Variants in RNMT observed in about 807,000 individuals in gnomAD.
The protein encoded by RNMT is mRNA cap guanine-N(7) methyltransferase.
RNMT carries 27 observed loss-of-function variants against 56.0 expected under a neutral mutation model. The observed-to-expected ratio is 0.48, with a 90% confidence interval of 0.36 to 0.67. The LOEUF is 0.67. RNMT is among the 30% of genes least tolerant of loss of function. The pLI is 0.00. For missense variants in RNMT, 519 were observed against 552.1 expected (o/e 0.94, Z 0.60); for synonymous variants, 184 against 176.2 (o/e 1.04, Z -0.35).
intron 9 of RNMT, among the ~76,000 whole-genome samples, chr18:13,748,829 C>T (rs2044392238): frequency 6.6e-6 from 1 of 152,108 alleles, no homozygotes; most frequent in Non-Finnish European, 1.5e-5. Context: ...CCTGTAACCC[C>T]AGCACTTTGG....
At position 13,735,663 on chromosome 18, in the gene RNMT, A is replaced by G. The variant is rs192532022; in HGVS notation, c.553+1064A>G. On this transcript the variant is annotated intron_variant, in intron 4 of 11. Coordinates refer to ENST00000383314, the MANE Select transcript of RNMT (RefSeq NM_003799.3). ...ATTTTTTATGAATACTTATTTATTCATGTATTTTTTTATTGAATAACTTTT... is the reference window on the plus strand; with the variant it reads ...ATTTTTTATGAATACTTATTTATTCGTGTATTTTTTTATTGAATAACTTTT... Among the ~76,000 whole-genome samples the G allele has an allele frequency of 1.2e-3, 179 of 152,096 alleles. 1 individual carries two copies. Among genetic ancestry groups the G allele is most frequent in the African/African-American group, 4.2e-3 (175 of 41,496 alleles).
intron 3 of RNMT, among the ~76,000 whole-genome samples, chr18:13,733,545 T>G (rs542945946): frequency 8.9e-4 from 136 of 152,228 alleles, no homozygotes; most frequent in Non-Finnish European, 1.6e-3. Context: ...GCCCAGCTAA[T>G]TTTTGTATTT....
chr18:13,741,443 T>G (rs1301950144), intron 6 of RNMT, 67 bp from the exon 7 acceptor site: 2 of 1,074,854 alleles, frequency 1.9e-6, no homozygotes, highest in Non-Finnish European at 2.8e-6. Context: ...AGAAGTTAAT[T>G]TACTAAAAAG....
At chr18:13,738,487 T>C (rs989135429) in intron 5 of RNMT, among the ~76,000 whole-genome samples, 8 of 152,216 alleles carry the variant, frequency 5.3e-5, no homozygotes, top group African/African-American at 1.9e-4. Context: ...TGTTACTACA[T>C]CAAAACTCAG....
chr18:13,734,219 G>C (rs2044122032), intron 3 of RNMT, among the ~76,000 whole-genome samples: 1 of 152,102 alleles, frequency 6.6e-6, no homozygotes, highest in Non-Finnish European at 1.5e-5. Context: ...ACCTCTTTTT[G>C]TTTATAAATT....
chr18:13,739,619 A>G lies in RNMT; in HGVS notation c.680-548A>G, dbSNP rs370429782. Among the ~76,000 whole-genome samples the G allele has an allele frequency of 2.0e-5, 3 of 152,244 alleles. No homozygotes were observed. In the East Asian group the frequency reaches 5.8e-4, roughly 29 times the overall value. On this transcript the variant is annotated intron_variant, in intron 5 of 11. Transcript: ENST00000383314. ...CCAATGTGGTGAAACCCCATCCTCT[A>G]CCAAAAATACAAAAAATTAGCTGGG...
At chr18:13,736,502 T>A (rs1259870056) in intron 4 of RNMT, among the ~76,000 whole-genome samples, 1 of 152,100 alleles carries the variant, frequency 6.6e-6, no homozygotes, top group South Asian at 2.1e-4. Context: ...TGCTTTTTTT[T>A]TTTCTAGTTT....
At chr18:13,732,309 C>T (rs2044084290) in intron 3 of RNMT, among the ~76,000 whole-genome samples, 2 of 152,070 alleles carry the variant, frequency 1.3e-5, no homozygotes, top group Non-Finnish European at 2.9e-5. Context: ...AGTCCTCCGG[C>T]GTTTTTAAAA....
Position 13,759,980 on chromosome 18 carries a change from G to A in RNMT, c.*1G>A, listed in dbSNP as rs1464676603. Reference sequence around the variant, plus strand: ...GTTTGCCTTTGAGAAACAGCAGTGAGCACATAGGCAGTAGTCCCAGAGGGG... The same window carrying A: ...GTTTGCCTTTGAGAAACAGCAGTGAACACATAGGCAGTAGTCCCAGAGGGG... On this transcript the variant is annotated 3_prime_UTR_variant, in exon 12 of 12. Transcript: ENST00000383314. 6.2e-7 allele frequency: 1 copy of A among 1,613,100 alleles called. No homozygotes were observed.
Position 13,761,952 on chromosome 18 carries a change from A to T in RNMT, c.*1973A>T. 2 of 1,516,948 alleles carry T rather than the reference A, an allele frequency of 1.3e-6. No individual in the cohort carries two copies. Among genetic ancestry groups the T allele is most frequent in the South Asian group, 2.4e-5 (2 of 82,374 alleles). 94.0% of individuals were successfully genotyped at this position (1,516,948 alleles called of 1,614,324 possible). ...GGACTAGAAAAGGCTTCCCCTGCCT[A>T]TCCTCTCCGATCACCAAGGTGGAAG... On this transcript the variant is annotated 3_prime_UTR_variant, in exon 12 of 12. Coordinates refer to ENST00000383314, the MANE Select transcript of RNMT (RefSeq NM_003799.3).
Position 13,762,035 on chromosome 18 carries a change from T to G in RNMT, c.*2056T>G. The stretch of plus-strand genomic sequence containing the variant: ...GTCGTCTAAATGTTCGGTATTCTAT[T>G]CAGGACTTACGGTAACTATTATGAG... On this transcript the variant is annotated 3_prime_UTR_variant, in exon 12 of 12. Coordinates refer to ENST00000383314, the MANE Select transcript of RNMT (RefSeq NM_003799.3). 6.5e-7 allele frequency: 1 copy of G among 1,536,098 alleles called. No individual in the cohort carries two copies. Among genetic ancestry groups the G allele is most frequent in the Non-Finnish European group, 8.7e-7 (1 of 1,146,880 alleles).
At chr18:13,752,138 T>A (rs2044459442) in intron 9 of RNMT, among the ~76,000 whole-genome samples, 188 bp from the exon 10 acceptor site, 1 of 152,088 alleles carries the variant, frequency 6.6e-6, no homozygotes, top group Non-Finnish European at 1.5e-5. Flanking sequence ...TTAAAAAAAA[T>A]TGGTTTAAGA....
chr18:13,732,352 A>G (rs1367552495), intron 3 of RNMT, among the ~76,000 whole-genome samples: 6 of 151,720 alleles, frequency 4.0e-5, no homozygotes, highest in South Asian at 2.1e-4. Context: ...TGATTTACCT[A>G]TTTTTCTTTT....
intron 9 of RNMT, among the ~76,000 whole-genome samples, chr18:13,748,850 C>T (rs57986011): frequency 4.6e-5 from 7 of 152,062 alleles, no homozygotes; most frequent in Non-Finnish European, 1.0e-4. Context: ...GAGGCCAAGG[C>T]GGGCAGATAA....
intron 1 of RNMT, among the ~76,000 whole-genome samples, chr18:13,727,712 G>T (rs914417939): frequency 6.6e-6 from 1 of 151,968 alleles, no homozygotes; most frequent in Non-Finnish European, 1.5e-5. Flanking sequence ...GGGGTTTTTT[G>T]TACCCATTAA....
chr18:13,748,047 A>G (rs1229161985), intron 9 of RNMT, among the ~76,000 whole-genome samples: 2 of 152,190 alleles, frequency 1.3e-5, no homozygotes, highest in African/African-American at 4.8e-5. Flanking sequence ...CAAGAATTTT[A>G]TGGCATGTTA....
chr18:13,750,876 A>AT (rs2044431353), intron 9 of RNMT, among the ~76,000 whole-genome samples: 1 of 152,166 alleles, frequency 6.6e-6, no homozygotes, highest in Admixed American at 6.5e-5. Flanking sequence ...AGGATTCCCT[A>AT]TTTAATAAAT....
intron 5 of RNMT, among the ~76,000 whole-genome samples, chr18:13,739,246 T>G (rs1187525759): frequency 6.6e-6 from 1 of 152,212 alleles, no homozygotes; most frequent in Non-Finnish European, 1.5e-5. Flanking sequence ...GCAGAAATGT[T>G]TTGTTACTTC....
intron 8 of RNMT, 131 bp downstream of exon 8, chr18:13,742,783 T>G (rs1332400170): frequency 5.7e-6 from 4 of 695,922 alleles, no homozygotes; most frequent in Non-Finnish European, 8.8e-6. Flanking sequence ...GTTTTTTTGT[T>G]TTTGTGTTTT....
Sources: allele counts gnomAD v4.1 joint callset (sites outside exome capture counted in the v4.1 genomes callset), GRCh38; gene constraint gnomAD v4.1.1; transcripts MANE v1.5; gene names NCBI Gene and HGNC (gene_info 2026-07-23, HGNC 2026-07-21).